Variants in BAZ1A observed in about 807,000 individuals in gnomAD.
The protein encoded by BAZ1A is bromodomain adjacent to zinc finger domain 1A.
BAZ1A carries 50 observed loss-of-function variants against 185.2 expected under a neutral mutation model. The observed-to-expected ratio is 0.27, with a 90% CI of 0.22 to 0.34. BAZ1A has a LOEUF of 0.34. Ranked by LOEUF, BAZ1A falls within the 10% of genes least tolerant of loss-of-function variation. BAZ1A has a pLI of 1.00. For synonymous variants in BAZ1A, 571 were observed against 615.6 expected (o/e 0.93, Z 1.07); for missense variants, 1,356 against 1,839.9 (o/e 0.74, Z 4.81).
intron 3 of BAZ1A, among the ~76,000 whole-genome samples, chr14:34,853,593 T>C (rs1182529812): frequency 6.6e-6 from 1 of 152,116 alleles, no homozygotes; most frequent in Non-Finnish European, 1.5e-5. Flanking sequence ...GAGACCAACC[T>C]GGCCAATGTG....
chr14:34,874,007 C>G lies in BAZ1A; in HGVS notation c.113+485G>C, dbSNP rs2042997374. 6.6e-6 allele frequency among the ~76,000 whole-genome samples: 1 copy of G among 152,186 alleles called. No homozygotes were observed. Among genetic ancestry groups the G allele is most frequent in the African/African-American group, 2.4e-5 (1 of 41,462 alleles). On this transcript the variant is annotated intron_variant, in intron 2 of 26. Transcript: ENST00000360310. This position sits in a 1 kb window ranked among gnomAD's most constrained non-coding sequence, Gnocchi z 4.7. ...CAGACCCCACTCCCGACTGAGAAAA[C>G]GAAGCCCAGCCCAGTCGTTTCCTGC...
At position 34,832,213 on chromosome 14, in the gene BAZ1A, C is replaced by CATATATAT. The variant is rs1491212993; in HGVS notation, c.393-6058_393-6057insATATATAT. Among the ~76,000 whole-genome samples the CATATATAT allele has an allele frequency of 3.1e-4, 24 of 78,672 alleles. 1 individual carries two copies. The highest frequency in any genetic ancestry group is 8.5e-4 in the East Asian group (3 of 3,512). 51.6% of individuals were successfully genotyped at this position (78,672 alleles called of 152,430 possible). A position where few individuals can be genotyped will look rare whatever the true frequency, so the allele number is the denominator to read the frequency against. On this transcript the variant is annotated intron_variant, in intron 3 of 26. Coordinates refer to ENST00000360310, the MANE Select transcript of BAZ1A (RefSeq NM_013448.3). ...ATATACACACACACACACACACACACACATATATATATATATATGTATGTA... is the reference window on the plus strand; with the variant it reads ...ATATACACACACACACACACACACACATATATATACATATATATATATATATGTATGTA...
chr14:34,874,832 G>A lies in BAZ1A; in HGVS notation c.-58-170C>T, dbSNP rs1267683788. ...CCGCTGCCCGGGTGTCGAGCGAGCG[G>A]AGCCGCCGCCGCCCCTGCCCCCCGA... On this transcript the variant is annotated intron_variant, in intron 1 of 26. Coordinates refer to ENST00000360310, the MANE Select transcript of BAZ1A (RefSeq NM_013448.3). The surrounding 1 kb of genome is among the most constrained non-coding windows in gnomAD (Gnocchi z 4.7). 1 of 443,072 alleles carries A rather than the reference G, an allele frequency of 2.3e-6. No individual in the cohort carries two copies. Among genetic ancestry groups the A allele is most frequent in the Non-Finnish European group, 4.0e-6 (1 of 251,162 alleles). The allele number at this position is 443,072 out of a possible 1,614,324, so 27.4% of individuals were successfully genotyped here. A position where few individuals can be genotyped will look rare whatever the true frequency, so the allele number is the denominator to read the frequency against.
Position 34,807,599 on chromosome 14 carries a change from T to G in BAZ1A, c.639-61A>C, listed in dbSNP as rs2041864935. 13 of 1,165,302 alleles carry G rather than the reference T, an allele frequency of 1.1e-5. No homozygotes were observed. In the South Asian group the frequency reaches 1.5e-4, roughly 14 times the overall value. The allele number at this position is 1,165,302 out of a possible 1,614,324, so 72.2% of individuals were successfully genotyped here. ...TAGCATCAAAGAGTTCAACCCCAAC[T>G]CCATAATCTCTGTAAATTTGTAACC... On this transcript the variant is annotated intron_variant, in intron 5 of 26. Coordinates refer to ENST00000360310, the MANE Select transcript of BAZ1A (RefSeq NM_013448.3).
intron 3 of BAZ1A, among the ~76,000 whole-genome samples, chr14:34,854,136 A>G (rs1311170696): frequency 6.6e-6 from 1 of 152,210 alleles, no homozygotes; most frequent in African/African-American, 2.4e-5. Flanking sequence ...ATCTAAAGTT[A>G]AAATTGTGGG....
chr14:34,758,881 A>G, intron 24 of BAZ1A, 35 bp from the exon 25 acceptor site: 2 of 1,605,204 alleles, frequency 1.2e-6, no homozygotes, highest in Non-Finnish European at 1.7e-6. Context: ...AGGTGATAAC[A>G]AAGCAAAATA....
chr14:34,764,718 C>T lies in BAZ1A; in HGVS notation c.3765G>A (p.Glu1255=). The change falls in exon 23 of 27, where the codon GAG becomes GAA. Residue 1255 remains glutamate (E), a synonymous_variant. Transcript: ENST00000360310. ...VEQDEDDSQE[E]EEVSLPKRGR... is the part of the protein sequence containing the mutation. ...ATGTTAGGACTTACCTGACTTCTTC[C>T]TCTTCTTGAGAGTCATCTTCATCTT... 6.2e-7 allele frequency: 1 copy of T among 1,607,820 alleles called. No homozygotes were observed. Among genetic ancestry groups the T allele is most frequent in the South Asian group, 1.1e-5 (1 of 90,574 alleles).
In BAZ1A at chr14:34,764,805, A is replaced by G; in HGVS notation, c.3678T>C (p.Asp1226=). The G allele has an allele frequency of 2.5e-6, 4 of 1,613,146 alleles. No individual in the cohort carries two copies. The highest frequency in any genetic ancestry group is 3.4e-6 in the Non-Finnish European group (4 of 1,179,298). Residue 1226 remains aspartate (D), a synonymous_variant, in exon 23 of 27, where the codon GAT becomes GAC. Transcript: ENST00000360310. ...EDVEDSMGGE[D]DEVDGDEEEG... ...CTTCTTCATCGCCATCAACTTCATC[A>G]TCCTCACCTCCCATACTGTCTTCCA...
intron 4 of BAZ1A, among the ~76,000 whole-genome samples, chr14:34,816,080 CTTTTTTTTT>C (rs35830800): frequency 1.3e-5 from 1 of 79,394 alleles, no homozygotes; most frequent in African/African-American, 5.4e-5. Context: ...TATTCCAGAC[CTTTTTTTTT>C]TTTTTTTTTT....
intron 3 of BAZ1A, among the ~76,000 whole-genome samples, chr14:34,841,912 A>G (rs543281909): frequency 4.5e-4 from 69 of 152,340 alleles, no homozygotes; most frequent in Non-Finnish European, 6.9e-4. Flanking sequence ...AATAAAAAAT[A>G]TATGATTCAA....
At chr14:34,774,928 A>G (rs1016872403) in intron 18 of BAZ1A, among the ~76,000 whole-genome samples, 2 of 152,250 alleles carry the variant, frequency 1.3e-5, no homozygotes, top group African/African-American at 2.4e-5. Context: ...AAGATGCTCA[A>G]CATTGGCGGG....
chr14:34,870,211 G>A (rs918996977), intron 2 of BAZ1A, among the ~76,000 whole-genome samples: 2 of 152,182 alleles, frequency 1.3e-5, no homozygotes, highest in Admixed American at 6.5e-5. Flanking sequence ...AACTAAGTAC[G>A]TGTCTGCTAA....
In BAZ1A at chr14:34,771,589, T is replaced by C; in HGVS notation, c.3223A>G (p.Ser1075Gly). 1 of 1,614,172 alleles carries C rather than the reference T, an allele frequency of 6.2e-7. No homozygotes were observed. Among genetic ancestry groups the C allele is most frequent in the Non-Finnish European group, 8.5e-7 (1 of 1,180,018 alleles). The change falls in exon 21 of 27, where the codon AGT becomes GGT. Residue 1075 changes from serine (S) to glycine (G), a missense_variant. Ser to Gly is a moderately conservative substitution (Grantham distance 56). Around this residue, in one of 7 missense-constraint regions of BAZ1A, gnomAD observed 434 missense variants for 561.7 expected, o/e 0.77. Coordinates refer to ENST00000360310, the MANE Select transcript of BAZ1A (RefSeq NM_013448.3). ...GCCATTGCCAGATAATGAACCACAC[T>C]GCTCACTGATTGTGGTGTACTTGCA... ...TNASTPQSVS[S>G]VVHYLAMALF...
At chr14:34,827,611 T>G (rs1377460965) in intron 3 of BAZ1A, among the ~76,000 whole-genome samples, 3 of 151,800 alleles carry the variant, frequency 2.0e-5, no homozygotes, top group Admixed American at 6.6e-5. Context: ...GGCGGGTGCC[T>G]GTAGTCCCAG....
rs534375292 is a variant in BAZ1A at position 34,782,224 on chromosome 14, CAA to C, written c.2111+893_2111+894del. 2.5e-4 allele frequency among the ~76,000 whole-genome samples: 38 copies of C among 152,274 alleles called. No individual in the cohort carries two copies. The South Asian group carries it at 7.7e-3, about 31-fold the overall frequency. ...AGTCCTGATTTCTCAACTCCTCATC[CAA>C]ACTTGTTATTGTTTGTCAATTTGAT... is the stretch of plus-strand genomic sequence containing the variant. On this transcript the variant is annotated intron_variant, in intron 16 of 26. Coordinates refer to ENST00000360310, the MANE Select transcript of BAZ1A (RefSeq NM_013448.3).
In BAZ1A at chr14:34,795,721, G is replaced by A. The variant is rs770396954; in HGVS notation, c.1173C>T (p.Tyr391=). The part of the protein sequence containing the change: ...LREEKRKYVE[Y]LKQWSKPRED... The stretch of plus-strand genomic sequence containing the variant: ...CTCTAGGTTTACTCCACTGTTTTAA[G>A]TATTCCACATACTTTCGCTTTTCTT... The change falls in exon 10 of 27, where the codon TAC becomes TAT. Residue 391 remains tyrosine, a synonymous_variant. Transcript: ENST00000360310. The A allele has an allele frequency of 6.2e-7, 1 of 1,613,066 alleles. No homozygotes were observed. The highest frequency in any genetic ancestry group is 1.1e-5 in the South Asian group (1 of 90,900).
intron 3 of BAZ1A, among the ~76,000 whole-genome samples, chr14:34,831,494 G>T (rs2042241818): frequency 6.6e-6 from 1 of 152,194 alleles, no homozygotes; most frequent in South Asian, 2.1e-4. Context: ...GAGATGGCAA[G>T]GATACTAGAG....
chr14:34,862,920 C>T (rs2042792743), intron 2 of BAZ1A, among the ~76,000 whole-genome samples: 1 of 151,302 alleles, frequency 6.6e-6, no homozygotes, highest in Non-Finnish European at 1.5e-5. Flanking sequence ...CTATTCAGTG[C>T]TCTTCTATTC....
intron 3 of BAZ1A, among the ~76,000 whole-genome samples, chr14:34,843,953 C>A (rs917232483): frequency 1.3e-5 from 2 of 152,000 alleles, no homozygotes; most frequent in Non-Finnish European, 2.9e-5. Flanking sequence ...CGCCTGTAAT[C>A]CCAGCACTTT....
Sources: allele counts gnomAD v4.1 joint callset (sites outside exome capture counted in the v4.1 genomes callset), GRCh38; gene constraint gnomAD v4.1.1; regional missense constraint gnomAD v4.1.1; non-coding constraint Gnocchi (gnomAD v3.1); transcripts MANE v1.5; gene names NCBI Gene and HGNC (gene_info 2026-07-23, HGNC 2026-07-21).